ANKRD44: variants seen among roughly 807,000 people sequenced by gnomAD.
The protein encoded by ANKRD44 is serine/threonine-protein phosphatase 6 regulatory ankyrin repeat subunit B.
ANKRD44 carries 35 observed loss-of-function variants against 116.0 expected under a neutral mutation model. The ratio of observed to expected loss-of-function variants is 0.30; its 90% confidence interval spans 0.23 to 0.40. The LOEUF is 0.40. ANKRD44 is among the 10% of genes least tolerant of loss of function. ANKRD44 has a pLI of 1.00. For missense variants in ANKRD44, 1,014 were observed against 1,242.6 expected, an observed-to-expected ratio of 0.82 and a Z score of 2.77; for synonymous variants, 435 against 461.8, an observed-to-expected ratio of 0.94 and a Z score of 0.74.
intron 4 of ANKRD44, among the ~76,000 whole-genome samples, chr2:197,127,145 T>C (rs1381950209): frequency 1.3e-5 from 2 of 152,228 alleles, no homozygotes; most frequent in Non-Finnish European, 2.9e-5. Context: ...TCCAGGGCAA[T>C]GACCTGTCAG....
intron 2 of ANKRD44, among the ~76,000 whole-genome samples, chr2:197,154,421 C>T (rs914805932): frequency 3.3e-5 from 5 of 151,954 alleles, no homozygotes; most frequent in Admixed American, 6.5e-5. Flanking sequence ...CCTCGTGATC[C>T]GCCCGCCTCG....
chr2:197,126,524 G>A (rs1435041413), intron 4 of ANKRD44, among the ~76,000 whole-genome samples: 1 of 152,222 alleles, frequency 6.6e-6, no homozygotes, highest in Admixed American at 6.5e-5. Flanking sequence ...AAAGCTATGA[G>A]TTGTTTCCAT....
At chr2:197,024,934 A>G (rs2076563047) in intron 17 of ANKRD44, among the ~76,000 whole-genome samples, 1 of 152,194 alleles carries the variant, frequency 6.6e-6, no homozygotes, top group African/African-American at 2.4e-5. Flanking sequence ...TGGGTGCATT[A>G]TCTCTTTTCA....
chr2:197,136,417 C>T (rs1448450221), intron 4 of ANKRD44, 175 bp downstream of exon 4: 2 of 633,800 alleles, frequency 3.2e-6, no homozygotes, highest in Non-Finnish European at 5.6e-6. Context: ...CAGCCCCACT[C>T]AGCACTATGT....
intron 16 of ANKRD44, among the ~76,000 whole-genome samples, chr2:197,053,095 C>T (rs1235968582): frequency 6.6e-6 from 1 of 152,130 alleles, no homozygotes; most frequent in Non-Finnish European, 1.5e-5. Flanking sequence ...TGCTTGAACC[C>T]AGGAGGTGGA....
At chr2:197,104,028 A>G (rs2078367832) in intron 9 of ANKRD44, among the ~76,000 whole-genome samples, 1 of 152,230 alleles carries the variant, frequency 6.6e-6, no homozygotes, top group African/African-American at 2.4e-5. Flanking sequence ...ATTAATAGGC[A>G]TTGAGGGCAT....
chr2:197,157,311 ATG>A (rs1323582197), intron 2 of ANKRD44, among the ~76,000 whole-genome samples: 3 of 152,176 alleles, frequency 2.0e-5, no homozygotes, highest in Non-Finnish European at 2.9e-5. Flanking sequence ...TGCCCTGGTT[ATG>A]TGTGGATGTA....
chr2:197,020,633 T>C (rs1170261658), intron 17 of ANKRD44, among the ~76,000 whole-genome samples: 2 of 152,332 alleles, frequency 1.3e-5, no homozygotes, highest in South Asian at 2.1e-4. Flanking sequence ...GCATAATCTA[T>C]AAAATTCGCT....
intron 1 of ANKRD44, among the ~76,000 whole-genome samples, chr2:197,300,240 T>G (rs939727572): frequency 6.6e-6 from 1 of 152,224 alleles, no homozygotes; most frequent in African/African-American, 2.4e-5. Flanking sequence ...CCTATCCAGT[T>G]TGCAAATTGG....
At chr2:197,023,290 C>T (rs1002198546) in intron 17 of ANKRD44, among the ~76,000 whole-genome samples, 4 of 152,092 alleles carry the variant, frequency 2.6e-5, no homozygotes, top group African/African-American at 9.7e-5. Context: ...TAATATCACA[C>T]AATAAACAAT....
intron 17 of ANKRD44, among the ~76,000 whole-genome samples, chr2:197,023,256 A>T (rs914460532): frequency 2.6e-5 from 4 of 152,336 alleles, no homozygotes; most frequent in African/African-American, 9.6e-5. Context: ...GGACACTGAG[A>T]CATAAGAGGT....
intron 1 of ANKRD44, among the ~76,000 whole-genome samples, chr2:197,307,551 G>GAAAA (rs3060107): frequency 1.7e-4 from 23 of 133,876 alleles, no homozygotes; most frequent in African/African-American, 3.1e-4. Flanking sequence ...TTTTTACAGT[G>GAAAA]AAAAAAAAAA....
chr2:197,273,978 A>G (rs888530426), intron 1 of ANKRD44, among the ~76,000 whole-genome samples: 1 of 49,728 alleles, frequency 2.0e-5, no homozygotes, highest in African/African-American at 8.0e-5. Flanking sequence ...AAAAAAAAAA[A>G]AAATATATAT....
At chr2:197,179,139 T>C (rs949820894) in intron 2 of ANKRD44, among the ~76,000 whole-genome samples, 1 of 152,242 alleles carries the variant, frequency 6.6e-6, no homozygotes, top group Non-Finnish European at 1.5e-5. Flanking sequence ...TCCTGGACTT[T>C]CTAGTCTGTT....
chr2:197,226,122 G>A (rs1206841800), intron 1 of ANKRD44, among the ~76,000 whole-genome samples: 3 of 152,174 alleles, frequency 2.0e-5, no homozygotes, highest in Non-Finnish European at 4.4e-5. Context: ...CTTCATTACA[G>A]TAAACCCATT....
chr2:196,968,125 T>C (rs944173542), intron 21 of ANKRD44, among the ~76,000 whole-genome samples: 15 of 152,220 alleles, frequency 9.9e-5, no homozygotes, highest in African/African-American at 3.4e-4. Context: ...CAGATATTTC[T>C]TTATAGCAAT....
intron 21 of ANKRD44, among the ~76,000 whole-genome samples, chr2:196,974,848 C>T (rs1023033636): frequency 2.0e-5 from 3 of 151,444 alleles, no homozygotes; most frequent in South Asian, 2.1e-4. Flanking sequence ...TGAGGTCATG[C>T]CACTGCAATC....
intron 1 of ANKRD44, among the ~76,000 whole-genome samples, chr2:197,240,118 T>A (rs1476212875): frequency 1.3e-5 from 2 of 152,060 alleles, no homozygotes; most frequent in Non-Finnish European, 2.9e-5. Flanking sequence ...CTCACGCCTG[T>A]AATCTTAGCA....
intron 1 of ANKRD44, among the ~76,000 whole-genome samples, chr2:197,225,678 G>A (rs1326208914): frequency 6.6e-6 from 1 of 151,388 alleles, no homozygotes; most frequent in East Asian, 1.9e-4. Context: ...CATAAATCAG[G>A]TTTTGGGAAA....
Sources: allele counts gnomAD v4.1 joint callset (sites outside exome capture counted in the v4.1 genomes callset), GRCh38; gene constraint gnomAD v4.1.1; transcripts MANE v1.5; gene names NCBI Gene and HGNC (gene_info 2026-07-23, HGNC 2026-07-21).